CDC73: variants seen among roughly 807,000 people sequenced by gnomAD.
The protein encoded by CDC73 is cell division cycle 73.
A neutral mutation model predicts 83.7 loss-of-function variants in CDC73; 21 were observed. That is an observed-to-expected ratio of 0.25 (90% CI 0.18 to 0.36). The LOEUF is 0.36. CDC73 is among the 10% of genes least tolerant of loss of function. The pLI, the probability that CDC73 is intolerant of heterozygous loss-of-function variation, is 1.00. For synonymous variants in CDC73, 224 were observed against 212.9 expected (o/e 1.05, Z -0.45); for missense variants, 342 against 653.3 (o/e 0.52, Z 5.19).
chr1:193,143,276 A>C (rs1188059347), intron 7 of CDC73, among the ~76,000 whole-genome samples: 1 of 152,186 alleles, frequency 6.6e-6, no homozygotes, highest in Non-Finnish European at 1.5e-5. Context: ...TTTGCTATTT[A>C]CAACAAAATG....
intron 10 of CDC73, among the ~76,000 whole-genome samples, chr1:193,173,822 C>T (rs1676559561): frequency 6.6e-6 from 1 of 151,952 alleles, no homozygotes. Flanking sequence ...ATTTGTGCTT[C>T]TTTACTAATG....
chr1:193,202,486 T>A (rs1677108203), intron 10 of CDC73, among the ~76,000 whole-genome samples: 1 of 152,036 alleles, frequency 6.6e-6, no homozygotes, highest in African/African-American at 2.4e-5. Context: ...GATAAATTTT[T>A]ACAAACAATA....
chr1:193,193,884 G>T (rs1572189756), intron 10 of CDC73, among the ~76,000 whole-genome samples: 1 of 151,470 alleles, frequency 6.6e-6, no homozygotes, highest in Admixed American at 6.6e-5. Context: ...ATTTGTTTCA[G>T]TGTAGCTTCC....
rs559080655 is a variant in CDC73 at position 193,239,909 on chromosome 1, C to A, written c.1417+3553C>A. ...ACAGTCCTGCACATGTACCCCAGAA[C>A]TTAAAAGTTAGAAATTAAAAAAAGA... On this transcript the variant is annotated intron_variant, in intron 15 of 16. Coordinates refer to ENST00000367435, the MANE Select transcript of CDC73 (RefSeq NM_024529.5). Among the ~76,000 whole-genome samples the A allele has an allele frequency of 9.9e-5, 15 of 152,274 alleles. No individual in the cohort carries two copies. In the East Asian group the frequency reaches 2.9e-3, roughly 29 times the overall value.
chr1:193,242,682 A>T (rs955977353), intron 15 of CDC73, among the ~76,000 whole-genome samples: 3 of 152,184 alleles, frequency 2.0e-5, no homozygotes, highest in Non-Finnish European at 2.9e-5. Context: ...AATTATTGCT[A>T]GCTACCATTG....
intron 10 of CDC73, chr1:193,181,427 G>A: frequency 6.2e-7 from 1 of 1,614,072 alleles, no homozygotes; most frequent in Non-Finnish European, 8.5e-7. Context: ...AGCCAGTCAT[G>A]ATGATTGAAA....
intron 9 of CDC73, among the ~76,000 whole-genome samples, chr1:193,152,127 C>T (rs1376764857): frequency 6.6e-6 from 1 of 152,040 alleles, no homozygotes; most frequent in Non-Finnish European, 1.5e-5. Context: ...AACATAATTG[C>T]AGAGATAGTC....
chr1:193,188,265 A>G (rs1369521567), intron 10 of CDC73, among the ~76,000 whole-genome samples: 2 of 152,176 alleles, frequency 1.3e-5, no homozygotes, highest in African/African-American at 4.8e-5. Context: ...CTGGAGTTGT[A>G]AAATAGTCCA....
intron 13 of CDC73, among the ~76,000 whole-genome samples, chr1:193,213,662 A>G (rs1252546820): frequency 6.6e-6 from 1 of 152,184 alleles, no homozygotes; most frequent in African/African-American, 2.4e-5. Flanking sequence ...GAAGCTGTCA[A>G]ATTGTCCTGT....
intron 11 of CDC73, 90 bp from the exon 12 acceptor site, chr1:193,211,975 A>G: frequency 9.9e-7 from 1 of 1,007,302 alleles, no homozygotes. Flanking sequence ...GGGAATACAC[A>G]TAATTTAAAA....
At chr1:193,133,826 C>T (rs1435991394) in intron 3 of CDC73, among the ~76,000 whole-genome samples, 1 of 150,868 alleles carries the variant, frequency 6.6e-6, no homozygotes, top group African/African-American at 2.4e-5. Context: ...ATAAAATTCA[C>T]AGAAAAGGTG....
intron 14 of CDC73, among the ~76,000 whole-genome samples, chr1:193,234,650 G>T (rs1465827558): frequency 1.3e-5 from 2 of 151,928 alleles, no homozygotes; most frequent in Non-Finnish European, 2.9e-5. Context: ...AATTCATGGG[G>T]AGTAACATTT....
At position 193,134,547 on chromosome 1, in the gene CDC73, T is replaced by C. The variant is rs113010806; in HGVS notation, c.308-844T>C. On this transcript the variant is annotated intron_variant, in intron 3 of 16. Coordinates refer to ENST00000367435, the MANE Select transcript of CDC73 (RefSeq NM_024529.5). ...TTAGCCGGGCGTGGTGGCATGTGCC[T>C]GTAGTCCCAGCTACTCGGGAGGCTG... is the stretch of plus-strand genomic sequence containing the variant. Among the ~76,000 whole-genome samples the C allele has an allele frequency of 6.6e-5, 10 of 152,284 alleles. 1 individual carries two copies. The highest frequency in any genetic ancestry group is 2.2e-4 in the African/African-American group (9 of 41,556).
chr1:193,142,803 T>G (rs555474848), intron 7 of CDC73, among the ~76,000 whole-genome samples: 1 of 152,214 alleles, frequency 6.6e-6, no homozygotes, highest in African/African-American at 2.4e-5. Context: ...AAAGGAGATA[T>G]GCACTTTATA....
intron 3 of CDC73, 66 bp downstream of exon 3, chr1:193,130,309 A>G (rs897075803): frequency 2.2e-5 from 22 of 981,112 alleles, no homozygotes; most frequent in Admixed American, 3.4e-5. Context: ...CTATGAAATA[A>G]TGATTAGAGG....
intron 15 of CDC73, chr1:193,236,993 G>A (rs1176790214): frequency 6.7e-6 from 1 of 149,742 alleles, no homozygotes; most frequent in Non-Finnish European, 1.5e-5. Context: ...GCCCAGGCTG[G>A]ATTGCAGTGG....
intron 10 of CDC73, among the ~76,000 whole-genome samples, chr1:193,189,190 G>T (rs1676878184): frequency 6.6e-6 from 1 of 152,154 alleles, no homozygotes; most frequent in African/African-American, 2.4e-5. Context: ...CTGACCTCAG[G>T]TGATCCACCT....
chr1:193,151,417 C>G (rs368947636), intron 9 of CDC73, among the ~76,000 whole-genome samples: 3 of 152,110 alleles, frequency 2.0e-5, no homozygotes, highest in Non-Finnish European at 2.9e-5. Context: ...ATTACAGCCC[C>G]CAAACTAAAT....
chr1:193,205,782 C>A (rs751429821), intron 11 of CDC73, among the ~76,000 whole-genome samples: 1 of 151,834 alleles, frequency 6.6e-6, no homozygotes, highest in Non-Finnish European at 1.5e-5. Flanking sequence ...CTAAGAGAAG[C>A]TAAAGGAGCT....
Sources: allele counts gnomAD v4.1 joint callset (sites outside exome capture counted in the v4.1 genomes callset), GRCh38; gene constraint gnomAD v4.1.1; transcripts MANE v1.5; gene names NCBI Gene and HGNC (gene_info 2026-07-23, HGNC 2026-07-21).